HPSE2: variants seen among roughly 807,000 people sequenced by gnomAD.
HPSE2 encodes heparanase 2 (inactive).
A neutral mutation model predicts 60.5 loss-of-function variants in HPSE2; 38 were observed. That is an observed-to-expected ratio of 0.63 (90% confidence interval 0.48 to 0.82). The LOEUF is 0.82. HPSE2 is among the 40% of genes least tolerant of loss of function. The probability of loss-of-function intolerance (pLI) is 0.00; values close to 1 mark genes in which losing one functional copy is unlikely to be tolerated. For missense variants in HPSE2, 713 were observed against 740.4 expected (o/e 0.96, Z 0.43); for synonymous variants, 295 against 293.2 (o/e 1.01, Z -0.06).
intron 2 of HPSE2, among the ~76,000 whole-genome samples, chr10:99,149,660 G>C (rs2135793444): frequency 6.6e-6 from 1 of 152,278 alleles, no homozygotes; most frequent in Non-Finnish European, 1.5e-5. Flanking sequence ...TGTAATATCA[G>C]AAAGTTATTA....
At chr10:99,090,965 A>G (rs1006427169) in intron 3 of HPSE2, among the ~76,000 whole-genome samples, 2 of 152,088 alleles carry the variant, frequency 1.3e-5, no homozygotes, top group African/African-American at 2.4e-5. Context: ...ACTGCAGCCA[A>G]TTCTGTCCTG....
intron 3 of HPSE2, among the ~76,000 whole-genome samples, chr10:98,939,052 A>C (rs1398099773): frequency 2.1e-5 from 3 of 144,038 alleles, no homozygotes; most frequent in Non-Finnish European, 4.5e-5. Flanking sequence ...TTTTGTCACC[A>C]CCAGGCCTGC....
Position 98,813,367 on chromosome 10 carries a change from C to T in HPSE2, c.611-69311G>A, listed in dbSNP as rs376809124. ...ATCCCCTAGGTAAGAAGGAGGATGT[C>T]TCCTTCATAGGCAGAATCTCAGTCA... On this transcript the variant is annotated intron_variant, in intron 3 of 11. Coordinates refer to ENST00000370552, the MANE Select transcript of HPSE2 (RefSeq NM_021828.5). Among the ~76,000 whole-genome samples, 258 of 152,286 alleles carry T rather than the reference C, an allele frequency of 1.7e-3. 15 individuals carry two copies. The South Asian group carries it at 0.052, about 31-fold the overall frequency.
chr10:98,880,718 C>G (rs1399605008), intron 3 of HPSE2, among the ~76,000 whole-genome samples: 2 of 152,002 alleles, frequency 1.3e-5, no homozygotes, highest in Non-Finnish European at 2.9e-5. Context: ...ACAAGTGTTG[C>G]CCCAGAGGTG....
intron 3 of HPSE2, among the ~76,000 whole-genome samples, chr10:98,803,092 T>G (rs1218963868): frequency 6.6e-6 from 1 of 151,882 alleles, no homozygotes; most frequent in Non-Finnish European, 1.5e-5. Flanking sequence ...CATTTTTTCA[T>G]GTGTTTTTTG....
chr10:99,121,647 A>C lies in HPSE2; in HGVS notation c.610+22591T>G, dbSNP rs558028357. 2.6e-5 allele frequency among the ~76,000 whole-genome samples: 4 copies of C among 152,332 alleles called. No homozygotes were observed. In the East Asian group the frequency reaches 7.7e-4, roughly 29 times the overall value. ...TGTCTATTACACTGACAAAGATAAA[A>C]GAATGGAAAATAATCAGGATTAATA... is the stretch of plus-strand genomic sequence containing the variant. On this transcript the variant is annotated intron_variant, in intron 3 of 11. Transcript: ENST00000370552.
chr10:98,482,830 A>G (rs1313620918), intron 10 of HPSE2, 48 bp from the exon 11 acceptor site: 1 of 1,593,426 alleles, frequency 6.3e-7, no homozygotes, highest in African/African-American at 1.3e-5. Flanking sequence ...CAAAGTGGTC[A>G]GTTAGATGCT....
At chr10:98,592,938 A>C (rs1945129878) in intron 9 of HPSE2, among the ~76,000 whole-genome samples, 1 of 152,214 alleles carries the variant, frequency 6.6e-6, no homozygotes, top group Admixed American at 6.5e-5. Flanking sequence ...GTGATTAAAT[A>C]ATTTATCATC....
intron 3 of HPSE2, among the ~76,000 whole-genome samples, chr10:99,094,097 T>A (rs1843614413): frequency 6.6e-6 from 1 of 152,182 alleles, no homozygotes; most frequent in Admixed American, 6.5e-5. Flanking sequence ...TTGCTACCAT[T>A]ATTTTCCAGA....
rs80016402 is a variant in HPSE2 at position 99,116,893 on chromosome 10, C to A, written c.610+27345G>T. Among the ~76,000 whole-genome samples, 470 of 151,664 alleles carry A rather than the reference C, an allele frequency of 3.1e-3. 11 individuals are homozygous for A. The East Asian group carries it at 0.053, about 17-fold the overall frequency. ...GGCTCAGGAACTGAAAGTACAATAC[C>A]CCCAAATATCACCAAAGAGCAGGAG... On this transcript the variant is annotated intron_variant, in intron 3 of 11. Transcript: ENST00000370552.
At chr10:99,203,140 C>T (rs202104282) in intron 2 of HPSE2, among the ~76,000 whole-genome samples, 1 of 152,020 alleles carries the variant, frequency 6.6e-6, no homozygotes, top group Non-Finnish European at 1.5e-5. Flanking sequence ...ATGACCCCAG[C>T]AGTCCCAGGC....
At chr10:99,025,288 T>C (rs1857090) in intron 3 of HPSE2, among the ~76,000 whole-genome samples, 73,926 of 151,938 alleles carry the variant, frequency 0.49, 20,188 homozygotes, top group East Asian at 0.62. Context: ...CAAAGCAGTG[T>C]GACAATTCCT....
intron 5 of HPSE2, among the ~76,000 whole-genome samples, chr10:98,709,253 T>C (rs2134214382): frequency 6.6e-6 from 1 of 152,282 alleles, no homozygotes; most frequent in South Asian, 2.1e-4. Context: ...AATAGTGCTG[T>C]CAGGAGTGAA....
chr10:99,254,237 G>T, the HPSE2 span, among the ~76,000 whole-genome samples: 1 of 151,940 alleles, frequency 6.6e-6, no homozygotes, highest in Non-Finnish European at 1.5e-5. Flanking sequence ...CAGCCATAAA[G>T]AAAACAAAAT....
At chr10:98,670,708 A>C (rs772056007) in intron 6 of HPSE2, among the ~76,000 whole-genome samples, 1 of 152,236 alleles carries the variant, frequency 6.6e-6, no homozygotes, top group African/African-American at 2.4e-5. Flanking sequence ...GATGTTATTC[A>C]TAGATTCCAG....
chr10:99,089,201 T>C (rs997902171), intron 3 of HPSE2, among the ~76,000 whole-genome samples: 1 of 152,186 alleles, frequency 6.6e-6, no homozygotes, highest in Admixed American at 6.5e-5. Context: ...TTTATTTTTG[T>C]TTTGGTTGCA....
chr10:98,741,488 G>A (rs1298925607), intron 4 of HPSE2, among the ~76,000 whole-genome samples: 1 of 151,980 alleles, frequency 6.6e-6, no homozygotes, highest in Non-Finnish European at 1.5e-5. Context: ...TTACTTGTCT[G>A]GAACAGATAT....
intron 3 of HPSE2, among the ~76,000 whole-genome samples, chr10:98,889,339 C>A (rs185178725): frequency 1.6e-4 from 24 of 151,716 alleles, no homozygotes; most frequent in African/African-American, 5.8e-4. Context: ...TGTACCACCA[C>A]GCCTGGCTTT....
chr10:98,888,064 G>A (rs377262006), intron 3 of HPSE2, among the ~76,000 whole-genome samples: 27 of 151,234 alleles, frequency 1.8e-4, no homozygotes, highest in African/African-American at 4.1e-4. Flanking sequence ...TAACTGGATC[G>A]TTTGTAACTC....
Sources: gnomAD v4.1 joint callset for allele counts (sites outside exome capture counted in the v4.1 genomes callset) on GRCh38, gnomAD v4.1.1 for gene constraint, MANE v1.5 for transcripts, NCBI Gene and HGNC (gene_info 2026-07-23, HGNC 2026-07-21) for gene names.